ZNF525: variants seen among roughly 807,000 people sequenced by gnomAD.
ZNF525 encodes the protein zinc finger protein 525.
ZNF525 carries 33 observed loss-of-function variants against 37.6 expected under a neutral mutation model. The ratio of observed to expected loss-of-function variants is 0.88; its 90% CI spans 0.67 to 1.17. The LOEUF (loss-of-function observed/expected upper bound fraction) is 1.17. ZNF525 is among the 50% of genes most tolerant of loss of function. The probability of loss-of-function intolerance (pLI) is 0.00; values close to 1 mark genes in which losing one functional copy is unlikely to be tolerated. For missense variants in ZNF525, 449 were observed against 543.1 expected (o/e 0.83, Z 1.72); for synonymous variants, 170 against 182.3 (o/e 0.93, Z 0.54).
At chr19:53,375,741 C>A (rs2085516911) in intron 2 of ZNF525, 29 bp from the exon 3 acceptor site, 1 of 1,613,674 alleles carries the variant, frequency 6.2e-7, no homozygotes, top group Admixed American at 1.7e-5. Context: ...CTCCCATAAC[C>A]ATTTGGTTAA....
At position 53,384,929 on chromosome 19, in the gene ZNF525, T is replaced by G. The variant is rs539203543; in HGVS notation, c.*2910T>G. On this transcript the variant is annotated 3_prime_UTR_variant, in exon 4 of 4. Transcript: ENST00000474037. Reference sequence around the variant, plus strand: ...CTCATTTGTCATTTCATGGATGTTCTTTCTATTGTTGAGGTAAATTTCCTT... The same window carrying G: ...CTCATTTGTCATTTCATGGATGTTCGTTCTATTGTTGAGGTAAATTTCCTT... 1.4e-6 allele frequency: 1 copy of G among 700,242 alleles called. No homozygotes were observed. Among genetic ancestry groups the G allele is most frequent in the Non-Finnish European group, 2.6e-6 (1 of 384,212 alleles). 43.4% of individuals were successfully genotyped at this position (700,242 alleles called of 1,614,324 possible).
At chr19:53,368,629 G>A (rs1359582169) in intron 1 of ZNF525, among the ~76,000 whole-genome samples, 1 of 152,176 alleles carries the variant, frequency 6.6e-6, no homozygotes, top group African/African-American at 2.4e-5. Flanking sequence ...CAAGCAAACA[G>A]GCTTTTAGCT....
At chr19:53,375,715 GT>G in intron 2 of ZNF525, 54 bp from the exon 3 acceptor site, 5 of 1,613,378 alleles carry the variant, frequency 3.1e-6, no homozygotes, top group Non-Finnish European at 4.2e-6. Context: ...CTCATTTTCT[GT>G]AAAGATAAGA....
chr19:53,368,554 T>C (rs796224386), intron 1 of ZNF525, among the ~76,000 whole-genome samples: 6 of 152,212 alleles, frequency 3.9e-5, no homozygotes, highest in Non-Finnish European at 8.8e-5. Flanking sequence ...TGGTCTCCTA[T>C]GTTAGTCCTT....
chr19:53,386,221 C>T lies in ZNF525; in HGVS notation c.*4202C>T, dbSNP rs2085605946. ...TTGCCATCGTGGTGTGTGCTTGACT[C>T]TGCTTCTTGCCACATCTTCTCAGAA... On this transcript the variant is annotated 3_prime_UTR_variant, in exon 4 of 4. Transcript: ENST00000474037. The T allele has an allele frequency of 1.6e-6, 1 of 641,350 alleles. No homozygotes were observed. The highest frequency in any genetic ancestry group is 1.8e-5 in the African/African-American group (1 of 54,882). The allele number at this position is 641,350 out of a possible 1,614,324, so 39.7% of individuals were successfully genotyped here. A position where few individuals can be genotyped will look rare whatever the true frequency, so the allele number is the denominator to read the frequency against.
intron 3 of ZNF525, 76 bp downstream of exon 3, chr19:53,375,972 A>ATCTC: frequency 1.2e-6 from 2 of 1,606,126 alleles, no homozygotes; most frequent in Non-Finnish European, 8.5e-7. Flanking sequence ...TAGATAGAGT[A>ATCTC]TCTCTCTCTC....
At chr19:53,370,370 T>C (rs1039400908) in intron 1 of ZNF525, among the ~76,000 whole-genome samples, 11 of 146,806 alleles carry the variant, frequency 7.5e-5, no homozygotes, top group African/African-American at 2.8e-4. Flanking sequence ...ACCGAGATCC[T>C]GCCACTGCTC....
At chr19:53,369,417 G>C (rs12976660) in intron 1 of ZNF525, among the ~76,000 whole-genome samples, 1 of 148,180 alleles carries the variant, frequency 6.7e-6, no homozygotes, top group East Asian at 2.0e-4. Flanking sequence ...TAGTAGAGAC[G>C]GGTTTCACCA....
In ZNF525 at chr19:53,381,938, C is replaced by T; in HGVS notation, c.1359C>T (p.Ser453=). The change falls in exon 4 of 4, where the codon TCC becomes TCT. Residue 453 remains serine (S), a synonymous_variant. Coordinates refer to ENST00000474037, the MANE Select transcript of ZNF525 (RefSeq NM_001348156.2). ...GCAAGACCTTCAGTCAGGAGTTATCCCTTACCTGCCATTGTAGACTTCATA... is the reference window on the plus strand; with the variant it reads ...GCAAGACCTTCAGTCAGGAGTTATCTCTTACCTGCCATTGTAGACTTCATA... The part of the protein sequence containing the change: ...ECGKTFSQEL[S]LTCHCRLHSG... 1 of 968,256 alleles carries T rather than the reference C, an allele frequency of 1.0e-6. No homozygotes were observed. The highest frequency in any genetic ancestry group is 1.7e-6 in the Non-Finnish European group (1 of 590,634). 60.0% of individuals were successfully genotyped at this position (968,256 alleles called of 1,614,324 possible).
chr19:53,383,148 A>G lies in ZNF525; in HGVS notation c.*1129A>G. 1 of 1,316,976 alleles carries G rather than the reference A, an allele frequency of 7.6e-7. No individual in the cohort carries two copies. Among genetic ancestry groups the G allele is most frequent in the Non-Finnish European group, 1.1e-6 (1 of 935,510 alleles). 81.6% of individuals were successfully genotyped at this position (1,316,976 alleles called of 1,614,324 possible). ...CATAGAACTCATACTGGAGAGAAAC[A>G]TTACAAGTGTAATGAGTGTGGCAAG... On this transcript the variant is annotated 3_prime_UTR_variant, in exon 4 of 4. Transcript: ENST00000474037.
Position 53,381,386 on chromosome 19 carries a change from A to T in ZNF525, c.807A>T (p.Lys269Asn), listed in dbSNP as rs1444722726. Residue 269 changes from lysine (K) to asparagine (N), a missense_variant, in exon 4 of 4, where the codon AAA becomes AAT. This residue lies in a region of ZNF525 where 271 missense variants were observed against 381.6 expected (regional missense o/e 0.71). Transcript: ENST00000474037. Reference sequence around the variant, plus strand: ...ATCGTAGATGTCACACTGGTGAGAAACCTTACAAGTGTAATGAGTGTGGCA... The same window carrying T: ...ATCGTAGATGTCACACTGGTGAGAATCCTTACAAGTGTAATGAGTGTGGCA... ...ARHRRCHTGEKPYKCNECGKS... is the reference protein window; with the variant it reads ...ARHRRCHTGENPYKCNECGKS... 6 of 1,596,962 alleles carry T rather than the reference A, an allele frequency of 3.8e-6. No individual in the cohort carries two copies. In the East Asian group the frequency reaches 6.7e-5, roughly 18 times the overall value.
At chr19:53,376,358 T>A in intron 3 of ZNF525, 1 of 701,452 alleles carries the variant, frequency 1.4e-6, no homozygotes, top group Admixed American at 2.0e-5. Context: ...GCCTTCTGAG[T>A]GCAGAGTTAA....
Position 53,377,585 on chromosome 19 carries a change from C to T in ZNF525, c.142+1689C>T, listed in dbSNP as rs544933592. Among the ~76,000 whole-genome samples, 17 of 141,498 alleles carry T rather than the reference C, an allele frequency of 1.2e-4. 1 individual carries two copies. The East Asian group carries it at 1.7e-3, about 14-fold the overall frequency. The allele number at this position is 141,498 out of a possible 152,430, so 92.8% of individuals were successfully genotyped here. On this transcript the variant is annotated intron_variant, in intron 3 of 3. Transcript: ENST00000474037. ...TTTTTTTTTTTTTGAGATGGAGTCTCGGTCTGTCACTCAGGCTGGAGTGCA... is the reference window on the plus strand; with the variant it reads ...TTTTTTTTTTTTTGAGATGGAGTCTTGGTCTGTCACTCAGGCTGGAGTGCA...
Position 53,381,635 on chromosome 19 carries a change from G to A in ZNF525, c.1056G>A (p.Lys352=). The change falls in exon 4 of 4, where the codon AAG becomes AAA. Residue 352 remains lysine (K), a synonymous_variant. Coordinates refer to ENST00000474037, the MANE Select transcript of ZNF525 (RefSeq NM_001348156.2). ...LACHRSIHTG[K]KPYECEECDK... Reference sequence around the variant, plus strand: ...GCCATCGTAGCATTCATACTGGAAAGAAACCTTACGAATGTGAAGAATGTG... The same window carrying A: ...GCCATCGTAGCATTCATACTGGAAAAAAACCTTACGAATGTGAAGAATGTG... The A allele has an allele frequency of 8.9e-7, 1 of 1,128,954 alleles. No individual in the cohort carries two copies. The highest frequency in any genetic ancestry group is 1.4e-6 in the Non-Finnish European group (1 of 736,900). 69.9% of individuals were successfully genotyped at this position (1,128,954 alleles called of 1,614,324 possible).
In ZNF525 at chr19:53,384,913, C is replaced by G; in HGVS notation, c.*2894C>G. On this transcript the variant is annotated 3_prime_UTR_variant, in exon 4 of 4. Transcript: ENST00000474037. ...CCTGCTTGGTTATTTACTCATTTGT[C>G]ATTTCATGGATGTTCTTTCTATTGT... 1.4e-6 allele frequency: 1 copy of G among 697,970 alleles called. No homozygotes were observed. The highest frequency in any genetic ancestry group is 2.0e-5 in the Admixed American group (1 of 48,916). The allele number at this position is 697,970 out of a possible 1,614,324, so 43.2% of individuals were successfully genotyped here.
intron 2 of ZNF525, among the ~76,000 whole-genome samples, chr19:53,373,815 C>T (rs1456815589): frequency 7.7e-6 from 1 of 130,046 alleles, no homozygotes; most frequent in Non-Finnish European, 1.8e-5. Context: ...AGCAAGACTT[C>T]GTCTCAAAAA....
chr19:53,385,759 G>A lies in ZNF525; in HGVS notation c.*3740G>A, dbSNP rs1165291644. On this transcript the variant is annotated 3_prime_UTR_variant, in exon 4 of 4. Transcript: ENST00000474037. ...CATTGATGCTTTATAAAAAGGTTAT[G>A]GGGACAATGCCCAAAAGAAATAAAC... 1.3e-5 allele frequency: 2 copies of A among 155,460 alleles called. No individual in the cohort carries two copies. Among genetic ancestry groups the A allele is most frequent in the African/African-American group, 4.8e-5 (2 of 41,452 alleles). 9.6% of individuals were successfully genotyped at this position (155,460 alleles called of 1,614,324 possible).
chr19:53,381,128 G>A lies in ZNF525; in HGVS notation c.549G>A (p.Arg183=), dbSNP rs1461765714. 2.1e-6 allele frequency: 3 copies of A among 1,406,332 alleles called. No individual in the cohort carries two copies. The highest frequency in any genetic ancestry group is 1.2e-5 in the South Asian group (1 of 86,596). The allele number at this position is 1,406,332 out of a possible 1,614,324, so 87.1% of individuals were successfully genotyped here. ...CAACAGCCCAAAGAATTTCTTGTAG[G>A]CCCAAAACCCATATATCTAATAACT... ...SVSTAQRISC[R]PKTHISNNYG... The change falls in exon 4 of 4, where the codon AGG becomes AGA. Residue 183 remains arginine (R), a synonymous_variant. Transcript: ENST00000474037.
Position 53,383,918 on chromosome 19 carries a change from A to G in ZNF525, c.*1899A>G. The G allele has an allele frequency of 1.5e-6, 1 of 677,356 alleles. No individual in the cohort carries two copies. Among genetic ancestry groups the G allele is most frequent in the Non-Finnish European group, 2.7e-6 (1 of 377,118 alleles). 42.0% of individuals were successfully genotyped at this position (677,356 alleles called of 1,614,324 possible). A position where few individuals can be genotyped will look rare whatever the true frequency, so the allele number is the denominator to read the frequency against. On this transcript the variant is annotated 3_prime_UTR_variant, in exon 4 of 4. Transcript: ENST00000474037. The stretch of plus-strand genomic sequence containing the variant: ...ACCTCACAAGTGTGATGATCGTGGC[A>G]AAGCCTTTACTTCACATTCTCACCT...
Sources: gnomAD v4.1 joint callset for allele counts (sites outside exome capture counted in the v4.1 genomes callset) on GRCh38, gnomAD v4.1.1 for gene constraint, gnomAD v4.1.1 regional missense constraint, MANE v1.5 for transcripts, NCBI Gene and HGNC (gene_info 2026-07-23, HGNC 2026-07-21) for gene names.